Variants in UBE2V2 observed in about 807,000 individuals in gnomAD.
UBE2V2 encodes ubiquitin-conjugating enzyme E2 variant 2.
In UBE2V2, 9 loss-of-function variants were observed where a neutral mutation model predicts 17.2. That is an observed-to-expected ratio of 0.52 (90% CI 0.32 to 0.91). The LOEUF is 0.91. Among genes scored for constraint, UBE2V2 ranks in the 40% least tolerant of loss-of-function variants. The pLI is 0.04. For missense variants in UBE2V2, 133 were observed against 182.6 expected (o/e 0.73, Z 1.56); for synonymous variants, 61 against 57.5 (o/e 1.06, Z -0.28).
At chr8:47,998,506 C>T in the UBE2V2 span, among the ~76,000 whole-genome samples, 5 of 151,932 alleles carry the variant, frequency 3.3e-5, 1 homozygote, top group South Asian at 4.2e-4. Flanking sequence ...GAGAGACAGG[C>T]GGTCAAGGGT....
intron 1 of UBE2V2, among the ~76,000 whole-genome samples, chr8:48,014,262 C>T (rs762580357): frequency 4.6e-5 from 7 of 152,086 alleles, no homozygotes; most frequent in Non-Finnish European, 1.0e-4. Flanking sequence ...CAAAAAACTA[C>T]CCAAAGCAGT....
chr8:48,013,147 G>C (rs566523591), intron 1 of UBE2V2, among the ~76,000 whole-genome samples: 140 of 151,608 alleles, frequency 9.2e-4, no homozygotes, highest in African/African-American at 3.3e-3. Context: ...ATCTGGCTTC[G>C]CTGTTAATTT....
chr8:48,044,248 C>A (rs187339469), intron 2 of UBE2V2, among the ~76,000 whole-genome samples: 1 of 152,204 alleles, frequency 6.6e-6, no homozygotes, highest in African/African-American at 2.4e-5. Flanking sequence ...GCAATCTCAG[C>A]CTCCTGGGCT....
chr8:48,059,469 C>T (rs970709983), intron 3 of UBE2V2, among the ~76,000 whole-genome samples: 4 of 151,786 alleles, frequency 2.6e-5, no homozygotes, highest in Non-Finnish European at 4.4e-5. Flanking sequence ...AGTGCAATGG[C>T]GTGGTCTCGG....
intron 1 of UBE2V2, among the ~76,000 whole-genome samples, chr8:48,024,062 G>C (rs2091322996): frequency 6.6e-6 from 1 of 152,046 alleles, no homozygotes; most frequent in Admixed American, 6.6e-5. Context: ...GAGAGCAGAT[G>C]GTATTTTCAG....
the UBE2V2 span, among the ~76,000 whole-genome samples, chr8:48,000,821 C>CA: frequency 0.11 from 2,239 of 20,414 alleles, 333 homozygotes; most frequent in African/African-American, 0.14. Flanking sequence ...GACTTTGCCT[C>CA]AAAAAAAAAA....
chr8:48,020,046 CTTT>C (rs777644132), intron 1 of UBE2V2, among the ~76,000 whole-genome samples: 6 of 142,456 alleles, frequency 4.2e-5, no homozygotes, highest in Non-Finnish European at 6.2e-5. Context: ...CTCTGTCTCT[CTTT>C]TTTTTTTTTT....
At position 48,024,469 on chromosome 8, in the gene UBE2V2, C is replaced by T. The variant is rs889779599; in HGVS notation, c.16+15999C>T. Among the ~76,000 whole-genome samples, 3 of 152,102 alleles carry T rather than the reference C, an allele frequency of 2.0e-5. 1 individual carries two copies. The South Asian group carries it at 6.2e-4, about 31-fold the overall frequency. On this transcript the variant is annotated intron_variant, in intron 1 of 3. Transcript: ENST00000523111. ...AATTAGCTGGGCATGGTGGCACATG[C>T]CTGTAATCCCAGCTACTCAGGAGAC...
At chr8:48,025,917 G>A (rs951027525) in intron 1 of UBE2V2, among the ~76,000 whole-genome samples, 1 of 152,060 alleles carries the variant, frequency 6.6e-6, no homozygotes, top group Non-Finnish European at 1.5e-5. Context: ...TTCTATCTGA[G>A]GTTTATCTAA....
intron 1 of UBE2V2, among the ~76,000 whole-genome samples, chr8:48,041,172 TG>T (rs1414559346): frequency 6.9e-6 from 1 of 144,156 alleles, no homozygotes; most frequent in Admixed American, 6.9e-5. Flanking sequence ...CCTTTTTTGT[TG>T]TTTTTTTTTT....
chr8:48,001,084 A>C, the UBE2V2 span, among the ~76,000 whole-genome samples: 81 of 152,030 alleles, frequency 5.3e-4, no homozygotes, highest in African/African-American at 1.8e-3. Flanking sequence ...CTCCCTCACC[A>C]CCTTCATTAT....
At chr8:48,050,146 T>A in intron 3 of UBE2V2, 168 bp downstream of exon 3, 1 of 442,656 alleles carries the variant, frequency 2.3e-6, no homozygotes, top group Non-Finnish European at 3.8e-6. Context: ...ATTATGTTGT[T>A]TTTCTTTTAT....
Position 48,060,874 on chromosome 8 carries a change from A to C in UBE2V2, c.*46A>C, listed in dbSNP as rs765594550. 1.4e-6 allele frequency: 2 copies of C among 1,412,286 alleles called. No homozygotes were observed. Among genetic ancestry groups the C allele is most frequent in the East Asian group, 2.6e-5 (1 of 38,466 alleles). The allele number at this position is 1,412,286 out of a possible 1,614,324, so 87.5% of individuals were successfully genotyped here. Reference sequence around the variant, plus strand: ...GTCTTAAATCAACAACCTTCTACTCATGTTAATGTCTTGATTAAATATCAC... The same window carrying C: ...GTCTTAAATCAACAACCTTCTACTCCTGTTAATGTCTTGATTAAATATCAC... On this transcript the variant is annotated 3_prime_UTR_variant, in exon 4 of 4. Transcript: ENST00000523111.
At chr8:48,003,655 T>C (rs934060449), upstream of UBE2V2, among the ~76,000 whole-genome samples, 1 of 152,220 alleles carries the variant, frequency 6.6e-6, no homozygotes, top group African/African-American at 2.4e-5. Flanking sequence ...AAAATGGATC[T>C]GATTTTCATG....
At chr8:48,057,963 C>G (rs1343524843) in intron 3 of UBE2V2, among the ~76,000 whole-genome samples, 2 of 152,102 alleles carry the variant, frequency 1.3e-5, no homozygotes, top group Non-Finnish European at 2.9e-5. Context: ...TCTTTCTAAT[C>G]AGGGTGCCTT....
upstream of UBE2V2, among the ~76,000 whole-genome samples, chr8:48,007,852 C>T (rs2091195398): frequency 6.6e-6 from 1 of 152,052 alleles, no homozygotes; most frequent in African/African-American, 2.4e-5. Flanking sequence ...ACCTCAGCAT[C>T]CCTAGCTGTT....
intron 1 of UBE2V2, among the ~76,000 whole-genome samples, chr8:48,010,160 T>C (rs367771790): frequency 5.3e-5 from 8 of 152,258 alleles, no homozygotes; most frequent in African/African-American, 1.9e-4. Context: ...GTTAATCACT[T>C]TTAGTTGTTT....
intron 3 of UBE2V2, among the ~76,000 whole-genome samples, chr8:48,056,087 C>G (rs2091570052): frequency 1.3e-5 from 2 of 152,124 alleles, no homozygotes; most frequent in African/African-American, 4.8e-5. Flanking sequence ...TTTGCCCATT[C>G]TGGATGTTTC....
chr8:48,015,360 G>A (rs1366602585), intron 1 of UBE2V2, among the ~76,000 whole-genome samples: 2 of 152,116 alleles, frequency 1.3e-5, no homozygotes, highest in Non-Finnish European at 2.9e-5. Context: ...CTGGGCGACA[G>A]AGCAAGACAC....
Sources: allele counts gnomAD v4.1 joint callset (sites outside exome capture counted in the v4.1 genomes callset), GRCh38; gene constraint gnomAD v4.1.1; transcripts MANE v1.5; gene names NCBI Gene and HGNC (gene_info 2026-07-23, HGNC 2026-07-21).